AKAP6: variants seen among roughly 807,000 people sequenced by gnomAD.
The protein encoded by AKAP6 is A-kinase anchor protein 6.
Under a neutral mutation model 188.5 loss-of-function variants are expected in AKAP6, and 58 were observed. The observed-to-expected ratio is 0.31, with a 90% confidence interval of 0.25 to 0.38. The LOEUF is 0.38. AKAP6 is among the 10% of genes least tolerant of loss of function. The pLI is 1.00. For synonymous variants in AKAP6, 989 were observed against 998.6 expected (o/e 0.99, Z 0.18); for missense variants, 2,710 against 2,740.0 (o/e 0.99, Z 0.24).
chr14:32,716,499 G>A (rs11622007), intron 9 of AKAP6, among the ~76,000 whole-genome samples: 1 of 150,152 alleles, frequency 6.7e-6, no homozygotes, highest in Non-Finnish European at 1.5e-5. Context: ...TTTAGTATAT[G>A]CTATAGTATA....
At chr14:32,403,897 C>A (rs1566485126) in intron 1 of AKAP6, among the ~76,000 whole-genome samples, 1 of 152,146 alleles carries the variant, frequency 6.6e-6, no homozygotes, top group Non-Finnish European at 1.5e-5. Flanking sequence ...ACATTGAGGT[C>A]AGATCAGATT....
intron 11 of AKAP6, among the ~76,000 whole-genome samples, chr14:32,767,906 T>A (rs1163013353): frequency 6.6e-6 from 1 of 152,178 alleles, no homozygotes; most frequent in Non-Finnish European, 1.5e-5. Flanking sequence ...TAGAACCTAC[T>A]ACAACCTGAT....
At chr14:32,394,812 T>C (rs999341677) in intron 1 of AKAP6, among the ~76,000 whole-genome samples, 1 of 152,168 alleles carries the variant, frequency 6.6e-6, no homozygotes, top group Non-Finnish European at 1.5e-5. Context: ...CCTGTAGCTA[T>C]GAGTTTAGTT....
intron 2 of AKAP6, among the ~76,000 whole-genome samples, chr14:32,435,996 A>T (rs1434607710): frequency 1.3e-5 from 2 of 152,172 alleles, no homozygotes; most frequent in African/African-American, 4.8e-5. Flanking sequence ...TTCCACGTTG[A>T]TCATAAGAAT....
chr14:32,522,271 G>A (rs1334951804), intron 2 of AKAP6, among the ~76,000 whole-genome samples: 1 of 152,208 alleles, frequency 6.6e-6, no homozygotes, highest in Non-Finnish European at 1.5e-5. Flanking sequence ...TCAGGACATA[G>A]GCATGGGCAA....
At chr14:32,612,846 A>G (rs1886410010) in intron 7 of AKAP6, among the ~76,000 whole-genome samples, 1 of 152,168 alleles carries the variant, frequency 6.6e-6, no homozygotes, top group Admixed American at 6.6e-5. Context: ...TGGTTGATGA[A>G]ATTTGTAGTC....
chr14:32,824,003 A>G lies in AKAP6; in HGVS notation c.6190A>G (p.Ile2064Val), dbSNP rs1391175842. ...CSVHNFVKEI[I>V]DMASTALKSK... is the part of the protein sequence containing the mutation. The stretch of plus-strand genomic sequence containing the variant: ...AGTACACAACTTTGTTAAGGAAATC[A>G]TTGACATGGCTTCGACAGCCCTAAA... The change falls in exon 13 of 14, where the codon ATT becomes GTT. Residue 2064 changes from isoleucine to valine, a missense_variant. Coordinates refer to ENST00000280979, the MANE Select transcript of AKAP6 (RefSeq NM_004274.5). 1 of 1,613,976 alleles carries G rather than the reference A, an allele frequency of 6.2e-7. No homozygotes were observed. The highest frequency in any genetic ancestry group is 1.1e-5 in the South Asian group (1 of 91,084).
At chr14:32,659,550 T>C (rs1888599167) in intron 7 of AKAP6, among the ~76,000 whole-genome samples, 1 of 152,094 alleles carries the variant, frequency 6.6e-6, no homozygotes. Context: ...TATAGATTAC[T>C]GGAGACAAGT....
intron 2 of AKAP6, among the ~76,000 whole-genome samples, chr14:32,535,098 G>A (rs573543855): frequency 2.2e-4 from 34 of 151,982 alleles, no homozygotes; most frequent in African/African-American, 8.0e-4. Context: ...ATGGCTGAGA[G>A]TGCCTATGAA....
rs562711923 is a variant in AKAP6 at position 32,562,145 on chromosome 14, G to A, written c.2347-14975G>A. ...AGTGCATTGCTTTTTAGGAAGCCCA[G>A]TGGCTTTACTATTTACCTTCATGTT... is the stretch of plus-strand genomic sequence containing the variant. On this transcript the variant is annotated intron_variant, in intron 4 of 13. Coordinates refer to ENST00000280979, the MANE Select transcript of AKAP6 (RefSeq NM_004274.5). Among the ~76,000 whole-genome samples the A allele has an allele frequency of 2.8e-4, 42 of 152,208 alleles. 1 individual carries two copies. The South Asian group carries it at 8.5e-3, about 31-fold the overall frequency.
chr14:32,478,624 GGTCT>G (rs1217496134), intron 2 of AKAP6, among the ~76,000 whole-genome samples: 1 of 152,162 alleles, frequency 6.6e-6, no homozygotes, highest in Non-Finnish European at 1.5e-5. Context: ...CTGAAATATA[GGTCT>G]GCTCAAGGCT....
rs1272895502 is a variant in AKAP6, at chr14:32,481,029, ATTC to A, written c.324+47217_324+47219del. Among the ~76,000 whole-genome samples the A allele has an allele frequency of 5.3e-5, 8 of 152,156 alleles. No homozygotes were observed. In the East Asian group the frequency reaches 1.2e-3, roughly 22 times the overall value. On this transcript the variant is annotated intron_variant, in intron 2 of 13. Coordinates refer to ENST00000280979, the MANE Select transcript of AKAP6 (RefSeq NM_004274.5). ...AACTCCTATTGACAACTTGGTCTGT[ATTC>A]TTCTAGACTTTTAGTCCATATTTCA...
chr14:32,512,534 C>A (rs1026695153), intron 2 of AKAP6, among the ~76,000 whole-genome samples: 3 of 152,110 alleles, frequency 2.0e-5, no homozygotes, highest in Non-Finnish European at 4.4e-5. Context: ...CCTTCATCCT[C>A]CATTTTGGTG....
intron 9 of AKAP6, among the ~76,000 whole-genome samples, chr14:32,715,132 A>G (rs2030118582): frequency 6.6e-6 from 1 of 152,024 alleles, no homozygotes; most frequent in Non-Finnish European, 1.5e-5. Flanking sequence ...AATTGGCGTC[A>G]AATTCAACTA....
chr14:32,799,620 G>A (rs147551037), intron 12 of AKAP6, among the ~76,000 whole-genome samples: 50 of 152,092 alleles, frequency 3.3e-4, no homozygotes, highest in African/African-American at 1.1e-3. Context: ...GAAATTTTCA[G>A]CTACTTTTCT....
intron 3 of AKAP6, among the ~76,000 whole-genome samples, chr14:32,541,553 T>A (rs1489625726): frequency 2.0e-5 from 3 of 152,138 alleles, no homozygotes; most frequent in Non-Finnish European, 4.4e-5. Flanking sequence ...TTCTTTTTTT[T>A]AAATCTATCA....
intron 11 of AKAP6, among the ~76,000 whole-genome samples, chr14:32,750,642 G>T (rs923493787): frequency 6.6e-6 from 1 of 151,734 alleles, no homozygotes; most frequent in Non-Finnish European, 1.5e-5. Flanking sequence ...GAAGTGAGAA[G>T]ATTGCTTCAC....
intron 2 of AKAP6, among the ~76,000 whole-genome samples, chr14:32,444,423 T>C (rs1436519551): frequency 1.3e-5 from 2 of 152,214 alleles, no homozygotes; most frequent in Non-Finnish European, 2.9e-5. Context: ...TTTCTTTGTA[T>C]AAATGTGAAT....
At chr14:32,713,293 T>G (rs1235814296) in intron 9 of AKAP6, among the ~76,000 whole-genome samples, 1 of 151,906 alleles carries the variant, frequency 6.6e-6, no homozygotes, top group African/African-American at 2.4e-5. Flanking sequence ...CAGAGTAGAG[T>G]TAGCATAATT....
Sources: allele counts gnomAD v4.1 joint callset (sites outside exome capture counted in the v4.1 genomes callset), GRCh38; gene constraint gnomAD v4.1.1; transcripts MANE v1.5; gene names NCBI Gene and HGNC (gene_info 2026-07-23, HGNC 2026-07-21).